SV2C: variants seen among roughly 807,000 people sequenced by gnomAD.
SV2C encodes the protein synaptic vesicle glycoprotein 2C.
In SV2C, 49 loss-of-function variants were observed where a neutral mutation model predicts 79.7. The observed-to-expected ratio is 0.61, with a 90% confidence interval of 0.49 to 0.78. SV2C has a LOEUF of 0.78. SV2C is among the 30% of genes least tolerant of loss of function. SV2C has a pLI of 0.00. For missense variants in SV2C, 833 were observed against 912.9 expected, an observed-to-expected ratio of 0.91 and a Z score of 1.13; for synonymous variants, 334 against 333.2, an observed-to-expected ratio of 1.00 and a Z score of -0.03.
chr5:75,974,834 G>C, the SV2C span, among the ~76,000 whole-genome samples: 527 of 152,172 alleles, frequency 3.5e-3, 4 homozygotes, highest in Non-Finnish European at 5.2e-3. Context: ...TTGTGCCAGA[G>C]GTTTAGGTTT....
At chr5:76,305,853 ACT>A (rs1748176389) in intron 12 of SV2C, among the ~76,000 whole-genome samples, 1 of 152,236 alleles carries the variant, frequency 6.6e-6, no homozygotes, top group Non-Finnish European at 1.5e-5. Flanking sequence ...ATTAGAGAGC[ACT>A]TACACACTGA....
chr5:76,024,796 C>T, the SV2C span, among the ~76,000 whole-genome samples: 1 of 152,054 alleles, frequency 6.6e-6, no homozygotes, highest in African/African-American at 2.4e-5. Context: ...GTTGACCCTC[C>T]CTATATGCAG....
chr5:75,999,163 C>A, the SV2C span, among the ~76,000 whole-genome samples: 1 of 152,044 alleles, frequency 6.6e-6, no homozygotes, highest in East Asian at 1.9e-4. Context: ...GACTTGCCCC[C>A]ATGATTCAAT....
chr5:76,094,417 T>C (rs572697539), intron 1 of SV2C, among the ~76,000 whole-genome samples: 1 of 152,340 alleles, frequency 6.6e-6, no homozygotes. Context: ...AATCATACAG[T>C]ATGTACTCTT....
At chr5:76,111,004 G>A (rs557404994) in intron 1 of SV2C, among the ~76,000 whole-genome samples, 67 of 152,250 alleles carry the variant, frequency 4.4e-4, no homozygotes, top group Admixed American at 1.4e-3. Context: ...TCTACCCTAG[G>A]TACTTATGAG....
At chr5:76,276,550 A>G (rs1747027465) in intron 4 of SV2C, among the ~76,000 whole-genome samples, 1 of 151,294 alleles carries the variant, frequency 6.6e-6, no homozygotes, top group Non-Finnish European at 1.5e-5. Flanking sequence ...CTGGTCTCGA[A>G]CTCCTGACCT....
At chr5:75,905,227 A>AT in the SV2C span, among the ~76,000 whole-genome samples, 1 of 152,118 alleles carries the variant, frequency 6.6e-6, no homozygotes, top group Admixed American at 6.6e-5. Flanking sequence ...AGTTACCTCT[A>AT]TTTTTTCATT....
At chr5:76,020,449 T>G in the SV2C span, among the ~76,000 whole-genome samples, 3 of 152,174 alleles carry the variant, frequency 2.0e-5, no homozygotes, top group Non-Finnish European at 4.4e-5. Flanking sequence ...GGGCATAAAG[T>G]AGCAGAAAAC....
At chr5:76,207,482 G>A (rs1744641659) in intron 3 of SV2C, among the ~76,000 whole-genome samples, 1 of 152,190 alleles carries the variant, frequency 6.6e-6, no homozygotes, top group Admixed American at 6.5e-5. Flanking sequence ...AGGATTGTGT[G>A]TTATAATGAA....
chr5:75,910,791 A>G, the SV2C span: 2 of 1,348,390 alleles, frequency 1.5e-6, no homozygotes, highest in Non-Finnish European at 1.1e-6. Context: ...GTTGGCTGCT[A>G]TGTGACCATC....
At chr5:76,190,376 C>A (rs548385078) in intron 2 of SV2C, among the ~76,000 whole-genome samples, 119 of 152,262 alleles carry the variant, frequency 7.8e-4, no homozygotes, top group African/African-American at 2.8e-3. Context: ...CGCCATATCA[C>A]CCTGAATGCA....
chr5:76,251,710 C>T (rs1027915067), intron 4 of SV2C, among the ~76,000 whole-genome samples: 1 of 152,150 alleles, frequency 6.6e-6, no homozygotes, highest in African/African-American at 2.4e-5. Context: ...ACTTTAAGAA[C>T]CAGTGGTATC....
the SV2C span, among the ~76,000 whole-genome samples, chr5:75,919,865 C>T: frequency 6.6e-6 from 1 of 152,176 alleles, no homozygotes; most frequent in African/African-American, 2.4e-5. Flanking sequence ...TACTCTCTGC[C>T]AAATTCTGTA....
chr5:76,289,061 G>A (rs1747456275), intron 6 of SV2C, among the ~76,000 whole-genome samples: 1 of 151,838 alleles, frequency 6.6e-6, no homozygotes, highest in Admixed American at 6.6e-5. Flanking sequence ...TGAATTATTT[G>A]TAGATAATTA....
At chr5:76,347,042 T>A (rs1417288188) in intron 12 of SV2C, among the ~76,000 whole-genome samples, 3 of 151,676 alleles carry the variant, frequency 2.0e-5, no homozygotes, top group African/African-American at 7.3e-5. Flanking sequence ...AGAACTCTCA[T>A]AAAGAAGTGA....
the SV2C span, among the ~76,000 whole-genome samples, chr5:76,064,734 G>A: frequency 2.0e-5 from 3 of 152,234 alleles, no homozygotes; most frequent in East Asian, 5.8e-4. Flanking sequence ...GATTGAGATG[G>A]TCAGAAGGTT....
At chr5:75,922,576 GT>G in the SV2C span, among the ~76,000 whole-genome samples, 3 of 152,186 alleles carry the variant, frequency 2.0e-5, no homozygotes, top group African/African-American at 7.2e-5. Flanking sequence ...TGCACTTTGT[GT>G]TAATCAAAAC....
chr5:75,921,605 G>A, the SV2C span: 2 of 967,656 alleles, frequency 2.1e-6, no homozygotes, highest in South Asian at 1.3e-5. Context: ...GGTGACAATT[G>A]TGTTCTTCTC....
At chr5:76,037,802 C>T in the SV2C span, among the ~76,000 whole-genome samples, 4 of 152,240 alleles carry the variant, frequency 2.6e-5, no homozygotes, top group Non-Finnish European at 4.4e-5. Context: ...GCTTTGTTTA[C>T]CTAAGCAAGC....
Sources: gnomAD v4.1 joint callset for allele counts (sites outside exome capture counted in the v4.1 genomes callset) on GRCh38, gnomAD v4.1.1 for gene constraint, MANE v1.5 for transcripts, NCBI Gene and HGNC (gene_info 2026-07-23, HGNC 2026-07-21) for gene names.